The following TMEM117 variants were observed in gnomAD, a reference collection of about 807,000 sequenced individuals.
The protein encoded by TMEM117 is transmembrane protein 117.
Under a neutral mutation model 52.4 loss-of-function variants are expected in TMEM117, and 27 were observed. The observed-to-expected ratio is 0.51, with a 90% confidence interval of 0.38 to 0.71. The LOEUF is 0.71. Among genes scored for constraint, TMEM117 ranks in the 30% least tolerant of loss-of-function variants. TMEM117 has a pLI of 0.00. For missense variants in TMEM117, 556 were observed against 630.5 expected (o/e 0.88, Z 1.26); for synonymous variants, 215 against 206.3 (o/e 1.04, Z -0.36).
chr12:43,796,533 C>A, the TMEM117 span, among the ~76,000 whole-genome samples: 1 of 152,082 alleles, frequency 6.6e-6, no homozygotes, highest in African/African-American at 2.4e-5. Context: ...CCAACCATCC[C>A]ATAATTCAGT....
intron 5 of TMEM117, among the ~76,000 whole-genome samples, chr12:44,224,607 T>A (rs992972062): frequency 5.3e-5 from 8 of 152,114 alleles, no homozygotes; most frequent in African/African-American, 1.7e-4. Flanking sequence ...TGCCAAGTAT[T>A]GGAAAGCATG....
intron 3 of TMEM117, among the ~76,000 whole-genome samples, chr12:44,106,191 C>T (rs1158579599): frequency 2.0e-5 from 3 of 152,034 alleles, no homozygotes; most frequent in African/African-American, 4.8e-5. Context: ...TTGTTGATTT[C>T]TTGGCTTGTT....
chr12:44,315,495 A>C (rs1283823167), intron 6 of TMEM117, among the ~76,000 whole-genome samples: 1 of 152,196 alleles, frequency 6.6e-6, no homozygotes, highest in Non-Finnish European at 1.5e-5. Flanking sequence ...TCTGCCTTAA[A>C]TTCATTGTTT....
intron 4 of TMEM117, among the ~76,000 whole-genome samples, chr12:44,202,395 C>G (rs989184247): frequency 5.2e-5 from 7 of 135,630 alleles, no homozygotes; most frequent in African/African-American, 2.6e-4. Flanking sequence ...TTAAGATGAT[C>G]ACGTGGTAAC....
At chr12:43,817,206 C>T in the TMEM117 span, among the ~76,000 whole-genome samples, 1 of 152,192 alleles carries the variant, frequency 6.6e-6, no homozygotes, top group Non-Finnish European at 1.5e-5. Context: ...AACCTACACT[C>T]AGAAAAATAA....
At chr12:43,884,977 C>T (rs369803525) in intron 2 of TMEM117, among the ~76,000 whole-genome samples, 2 of 152,192 alleles carry the variant, frequency 1.3e-5, no homozygotes, top group East Asian at 1.9e-4. Flanking sequence ...ATGGCACGCT[C>T]GCAACGTATT....
At chr12:43,936,576 C>T (rs549247424) in intron 2 of TMEM117, among the ~76,000 whole-genome samples, 35 of 152,158 alleles carry the variant, frequency 2.3e-4, no homozygotes, top group Non-Finnish European at 1.5e-5. Context: ...CATGGCACAT[C>T]ATTATTTATG....
At chr12:44,090,997 G>GA (rs1268982464) in intron 3 of TMEM117, among the ~76,000 whole-genome samples, 4 of 151,778 alleles carry the variant, frequency 2.6e-5, no homozygotes, top group African/African-American at 9.7e-5. Context: ...TATATCCTCA[G>GA]AAAAATATTT....
At chr12:44,397,751 C>T in the TMEM117 span, among the ~76,000 whole-genome samples, 2 of 152,176 alleles carry the variant, frequency 1.3e-5, no homozygotes, top group Non-Finnish European at 2.9e-5. Flanking sequence ...GCAGCAGCAT[C>T]CATTAATTTG....
intron 7 of TMEM117, among the ~76,000 whole-genome samples, chr12:44,380,943 G>A (rs1299049746): frequency 1.3e-5 from 2 of 152,094 alleles, no homozygotes; most frequent in Non-Finnish European, 1.5e-5. Context: ...TGTATGTAGA[G>A]GGTTATGACA....
intron 4 of TMEM117, among the ~76,000 whole-genome samples, chr12:44,185,372 A>G (rs1167395131): frequency 6.6e-6 from 1 of 152,212 alleles, no homozygotes; most frequent in East Asian, 1.9e-4. Flanking sequence ...GAAAAAATAC[A>G]GTGATAAAAA....
At chr12:44,326,283 A>G (rs542856167) in intron 6 of TMEM117, among the ~76,000 whole-genome samples, 2 of 152,292 alleles carry the variant, frequency 1.3e-5, no homozygotes, top group East Asian at 1.9e-4. Flanking sequence ...CCATATTTTA[A>G]TTTATGAGAG....
intron 3 of TMEM117, among the ~76,000 whole-genome samples, chr12:44,070,277 C>T (rs1269194877): frequency 2.0e-5 from 3 of 152,192 alleles, no homozygotes; most frequent in Admixed American, 2.0e-4. Flanking sequence ...TATAGGATGG[C>T]TGCTGCAGCT....
chr12:44,197,364 G>T (rs1430579426), intron 4 of TMEM117, among the ~76,000 whole-genome samples: 2 of 151,982 alleles, frequency 1.3e-5, no homozygotes, highest in African/African-American at 4.8e-5. Context: ...CTCTAGTAAT[G>T]ATCAGTTATC....
At chr12:44,070,435 A>G (rs1436406938) in intron 3 of TMEM117, among the ~76,000 whole-genome samples, 1 of 152,222 alleles carries the variant, frequency 6.6e-6, no homozygotes, top group Non-Finnish European at 1.5e-5. Context: ...CTTAGCTCCT[A>G]TAGAAATGGC....
At chr12:44,030,116 T>C (rs1946610273) in intron 3 of TMEM117, among the ~76,000 whole-genome samples, 1 of 152,208 alleles carries the variant, frequency 6.6e-6, no homozygotes, top group Admixed American at 6.5e-5. Context: ...AAAAGAGTAA[T>C]GCTTTTTAGT....
At chr12:43,892,258 A>T (rs1036411601) in intron 2 of TMEM117, among the ~76,000 whole-genome samples, 1 of 152,226 alleles carries the variant, frequency 6.6e-6, no homozygotes, top group African/African-American at 2.4e-5. Flanking sequence ...GTGAAGGCAC[A>T]CAAGACACAC....
chr12:44,278,272 A>G (rs1450693549), intron 5 of TMEM117, among the ~76,000 whole-genome samples: 1 of 152,222 alleles, frequency 6.6e-6, no homozygotes, highest in Non-Finnish European at 1.5e-5. Flanking sequence ...GAGAGCAAGC[A>G]TCATTGGAGA....
At chr12:43,828,311 T>G in the TMEM117 span, among the ~76,000 whole-genome samples, 1 of 152,228 alleles carries the variant, frequency 6.6e-6, no homozygotes, top group African/African-American at 2.4e-5. Context: ...ATTCAGCTCT[T>G]TAATGGCATC....
Sources: gnomAD v4.1 joint callset for allele counts (sites outside exome capture counted in the v4.1 genomes callset) on GRCh38, gnomAD v4.1.1 for gene constraint, MANE v1.5 for transcripts, NCBI Gene and HGNC (gene_info 2026-07-23, HGNC 2026-07-21) for gene names.